CLEC5A: variants seen among roughly 807,000 people sequenced by gnomAD.
CLEC5A encodes the protein C-type lectin domain family 5 member A.
In CLEC5A, 15 loss-of-function variants were observed where a neutral mutation model predicts 24.4. That is an observed-to-expected ratio of 0.62 (90% confidence interval 0.41 to 0.95). The LOEUF (loss-of-function observed/expected upper bound fraction) is 0.95, where lower values mean the gene tolerates loss of function less well. CLEC5A is among the 40% of genes least tolerant of loss of function. The pLI is 0.00. For missense variants in CLEC5A, 211 were observed against 224.0 expected, an observed-to-expected ratio of 0.94 and a Z score of 0.37; for synonymous variants, 71 against 72.6, an observed-to-expected ratio of 0.98 and a Z score of 0.11.
In CLEC5A at chr7:141,943,478, C is replaced by T. The variant is rs373769235; in HGVS notation, c.208+418G>A. Among the ~76,000 whole-genome samples the T allele has an allele frequency of 1.3e-5, 2 of 151,160 alleles. 1 individual carries two copies. The highest frequency in any genetic ancestry group is 4.9e-5 in the African/African-American group (2 of 41,178). On this transcript the variant is annotated intron_variant, in intron 4 of 6. Transcript: ENST00000546910. ...GAGAAGTGGGGCTTGTTAATGGGTA[C>T]TAAAAAATAGAAAGAATAAATAAGA... is the stretch of plus-strand genomic sequence containing the variant.
chr7:141,946,033 T>G (rs1802943613), intron 2 of CLEC5A, 181 bp downstream of exon 2: 2 of 619,198 alleles, frequency 3.2e-6, no homozygotes, highest in Non-Finnish European at 5.6e-6. Context: ...CCAAGGAGCC[T>G]GGGCCACTGT....
rs1488693870 is a variant in CLEC5A at position 141,928,012 on chromosome 7, A to G, written c.*2092T>C. On this transcript the variant is annotated 3_prime_UTR_variant, in exon 7 of 7. Coordinates refer to ENST00000546910, the MANE Select transcript of CLEC5A (RefSeq NM_013252.3). Reference sequence around the variant, plus strand: ...ACTGTACTGATTCACACAGCATATTAGAAACAAAGTGAAAACTCAAATTCA... The same window carrying G: ...ACTGTACTGATTCACACAGCATATTGGAAACAAAGTGAAAACTCAAATTCA... 1 of 152,198 alleles carries G rather than the reference A, an allele frequency of 6.6e-6. No homozygotes were observed. The highest frequency in any genetic ancestry group is 1.9e-4 in the East Asian group (1 of 5,194). The allele number at this position is 152,198 out of a possible 1,614,324, so 9.4% of individuals were successfully genotyped here.
At chr7:141,938,504 G>C (rs1241490346) in intron 4 of CLEC5A, among the ~76,000 whole-genome samples, 1 of 152,096 alleles carries the variant, frequency 6.6e-6, no homozygotes, top group African/African-American at 2.4e-5. Flanking sequence ...AGCCTCAAAA[G>C]GGCAAATGTA....
intron 5 of CLEC5A, among the ~76,000 whole-genome samples, chr7:141,935,488 T>C (rs571363721): frequency 6.3e-4 from 96 of 152,338 alleles, no homozygotes; most frequent in Non-Finnish European, 1.1e-3. Flanking sequence ...TAAACAACTT[T>C]TATACACATC....
At chr7:141,942,798 T>C (rs1802836875) in intron 4 of CLEC5A, among the ~76,000 whole-genome samples, 1 of 152,156 alleles carries the variant, frequency 6.6e-6, no homozygotes, top group Admixed American at 6.6e-5. Context: ...AAAGAAGTTG[T>C]ACAAATGGCA....
intron 4 of CLEC5A, chr7:141,936,311 G>T (rs1029867964): frequency 3.5e-6 from 1 of 288,676 alleles, no homozygotes; most frequent in East Asian, 1.1e-4. Flanking sequence ...GGGTAGGAAA[G>T]ATAGTCTTGA....
chr7:141,941,971 A>G (rs1408665561), intron 4 of CLEC5A, among the ~76,000 whole-genome samples: 1 of 152,176 alleles, frequency 6.6e-6, no homozygotes, highest in Non-Finnish European at 1.5e-5. Context: ...TGTGGATTGG[A>G]AGAATCAATA....
intron 2 of CLEC5A, 42 bp from the exon 3 acceptor site, chr7:141,945,442 T>G (rs782541376): frequency 7.3e-7 from 1 of 1,375,882 alleles, no homozygotes; most frequent in South Asian, 1.2e-5. Flanking sequence ...CAAATGTGAC[T>G]GCATGATGAA....
intron 5 of CLEC5A, among the ~76,000 whole-genome samples, chr7:141,933,492 A>AAG (rs1802522704): frequency 6.7e-6 from 1 of 148,602 alleles, no homozygotes; most frequent in Non-Finnish European, 1.5e-5. Context: ...GATATGATGT[A>AAG]AGGTACATGG....
At position 141,946,231 on chromosome 7, in the gene CLEC5A, G is replaced by T. The variant is rs782272434; in HGVS notation, c.62C>A (p.Thr21Asn). The change falls in exon 2 of 7, where the codon ACC (threonine) becomes AAC (asparagine). Residue 21 changes from threonine to asparagine, a missense_variant. By Grantham distance (65) the Thr-to-Asn change is moderately conservative (BLOSUM62 0). Coordinates refer to ENST00000546910, the MANE Select transcript of CLEC5A (RefSeq NM_013252.3). ...ATACTCACAATAAAGTAGAAATAAG[G>T]TCATTCCAACAACTTTAAGCACTAC... Reference protein sequence around the residue: ...IVVVLKVVGMTLFLLYFPQIF... With the variant: ...IVVVLKVVGMNLFLLYFPQIF... 8.3e-6 allele frequency: 13 copies of T among 1,567,486 alleles called. No homozygotes were observed. The South Asian group carries it at 1.5e-4, about 18-fold the overall frequency.
rs189376961 is a variant in CLEC5A, at chr7:141,936,053, A to G, written c.209-103T>C. 3.6e-5 allele frequency: 34 copies of G among 955,284 alleles called. No homozygotes were observed. The Admixed American group carries it at 3.6e-4, about 10-fold the overall frequency. 59.2% of individuals were successfully genotyped at this position (955,284 alleles called of 1,614,324 possible). On this transcript the variant is annotated intron_variant, in intron 4 of 6. Transcript: ENST00000546910. ...ATACATATTTTTGCTTTGTTTTAACAATTATATTGGTAAAAATTATTCTCC... is the reference window on the plus strand; with the variant it reads ...ATACATATTTTTGCTTTGTTTTAACGATTATATTGGTAAAAATTATTCTCC...
At position 141,930,142 on chromosome 7, in the gene CLEC5A, T is replaced by C; in HGVS notation, c.529A>G (p.Ile177Val). The change falls in exon 7 of 7, where the codon ATC (isoleucine) becomes GTC (valine). Residue 177 changes from isoleucine to valine, a missense_variant. Physicochemically the swap from Ile to Val is conservative, Grantham distance 29 (BLOSUM62 3). Transcript: ENST00000546910. Reference protein sequence around the residue: ...TKTFDAASCDISYRRICEKNA... With the variant: ...TKTFDAASCDVSYRRICEKNA... ...TTCTCACAGATCCTGCGGTAGCTGA[T>C]GTCACATGATGCAGCATCAAATGTC... 1 of 1,614,214 alleles carries C rather than the reference T, an allele frequency of 6.2e-7. No individual in the cohort carries two copies. Among genetic ancestry groups the C allele is most frequent in the Non-Finnish European group, 8.5e-7 (1 of 1,180,028 alleles).
intron 2 of CLEC5A, 71 bp from the exon 3 acceptor site, chr7:141,945,471 G>A: frequency 9.7e-7 from 1 of 1,032,372 alleles, no homozygotes; most frequent in Non-Finnish European, 1.5e-6. Context: ...ACAAGTATCA[G>A]CACAGGGGCT....
At chr7:141,939,799 A>G (rs1802733662) in intron 4 of CLEC5A, among the ~76,000 whole-genome samples, 1 of 152,128 alleles carries the variant, frequency 6.6e-6, no homozygotes, top group Non-Finnish European at 1.5e-5. Flanking sequence ...CTTATTTCAG[A>G]CAAAATAGAT....
At chr7:141,945,461 A>C in intron 2 of CLEC5A, 61 bp from the exon 3 acceptor site, 1 of 1,169,118 alleles carries the variant, frequency 8.6e-7, no homozygotes. Flanking sequence ...AATATGACAA[A>C]CAAGTATCAG....
chr7:141,930,226 A>G lies in CLEC5A; in HGVS notation c.453-8T>C, dbSNP rs782771349. The G allele has an allele frequency of 6.3e-7, 1 of 1,598,150 alleles. No homozygotes were observed. On this transcript the variant is annotated splice_polypyrimidine_tract_variant and splice_region_variant and intron_variant, in intron 6 of 6. Coordinates refer to ENST00000546910, the MANE Select transcript of CLEC5A (RefSeq NM_013252.3). The stretch of plus-strand genomic sequence containing the variant: ...TGATTCTGATTGGTAACACTAAATG[A>G]GAAAACAAAACAAAACAAAACAAAC...
At chr7:141,937,772 G>T (rs1563075513) in intron 4 of CLEC5A, among the ~76,000 whole-genome samples, 1 of 152,220 alleles carries the variant, frequency 6.6e-6, no homozygotes, top group Non-Finnish European at 1.5e-5. Flanking sequence ...TCCCAGTGGT[G>T]GTGGTCACAG....
intron 4 of CLEC5A, among the ~76,000 whole-genome samples, chr7:141,940,367 T>C (rs1177051815): frequency 3.3e-5 from 5 of 151,784 alleles, no homozygotes; most frequent in African/African-American, 1.2e-4. Flanking sequence ...AGAAAGGAAT[T>C]GAAAAACTTC....
chr7:141,930,285 T>C, intron 6 of CLEC5A, 67 bp from the exon 7 acceptor site: 1 of 1,222,736 alleles, frequency 8.2e-7, no homozygotes, highest in Admixed American at 1.8e-5. Context: ...TGGCCCATCA[T>C]TTTAGCCCAG....
Sources: gnomAD v4.1 joint callset for allele counts (sites outside exome capture counted in the v4.1 genomes callset) on GRCh38, gnomAD v4.1.1 for gene constraint, MANE v1.5 for transcripts, NCBI Gene and HGNC (gene_info 2026-07-23, HGNC 2026-07-21) for gene names.